PALLD: variants seen among roughly 807,000 people sequenced by gnomAD.
PALLD encodes palladin.
PALLD carries 61 observed loss-of-function variants against 123.5 expected under a neutral mutation model. The observed-to-expected ratio is 0.49, with a 90% confidence interval of 0.40 to 0.61. The LOEUF (loss-of-function observed/expected upper bound fraction) is 0.61. Ranked by LOEUF, PALLD falls within the 20% of genes least tolerant of loss-of-function variation. PALLD has a pLI of 0.00. For missense variants in PALLD, 1,273 were observed against 1,377.0 expected, an observed-to-expected ratio of 0.92 and a Z score of 1.20; for synonymous variants, 465 against 496.4, an observed-to-expected ratio of 0.94 and a Z score of 0.84.
intron 11 of PALLD, among the ~76,000 whole-genome samples, chr4:168,891,669 A>G (rs936220099): frequency 7.2e-6 from 1 of 139,066 alleles, no homozygotes; most frequent in African/African-American, 2.6e-5. Context: ...CAAATGAGCA[A>G]TGCCAATGGT....
chr4:168,718,473 A>C (rs1238403099), intron 10 of PALLD, among the ~76,000 whole-genome samples: 1 of 152,176 alleles, frequency 6.6e-6, no homozygotes, highest in Non-Finnish European at 1.5e-5. Context: ...CAACCTGTAG[A>C]CTTAAATCAT....
chr4:168,860,472 T>C (rs1338319409), intron 10 of PALLD, among the ~76,000 whole-genome samples: 2 of 152,220 alleles, frequency 1.3e-5, no homozygotes, highest in Non-Finnish European at 2.9e-5. Flanking sequence ...CTCACTCCAA[T>C]AGTTGAGTGA....
chr4:168,576,491 G>GT (rs953336365), intron 2 of PALLD, among the ~76,000 whole-genome samples: 2 of 151,958 alleles, frequency 1.3e-5, no homozygotes, highest in Non-Finnish European at 2.9e-5. Context: ...CGGTGTTGTG[G>GT]TTTTTTGTCC....
intron 10 of PALLD, among the ~76,000 whole-genome samples, chr4:168,834,161 A>G (rs1005634349): frequency 2.0e-5 from 3 of 151,922 alleles, no homozygotes; most frequent in Non-Finnish European, 2.9e-5. Flanking sequence ...GCTATGTGAA[A>G]ACTTGGTGCC....
At chr4:168,703,050 C>T (rs1327509720) in intron 8 of PALLD, among the ~76,000 whole-genome samples, 1 of 107,550 alleles carries the variant, frequency 9.3e-6, no homozygotes, top group Non-Finnish European at 1.8e-5. Context: ...CAATGCTATC[C>T]CTCCCCCCTC....
chr4:168,661,953 TTC>T lies in PALLD; in HGVS notation c.909-6233_909-6232del, dbSNP rs1268799747. Among the ~76,000 whole-genome samples, 3 of 152,162 alleles carry T rather than the reference TTC, an allele frequency of 2.0e-5. No individual in the cohort carries two copies. The East Asian group carries it at 5.8e-4, about 29-fold the overall frequency. ...GCATATAATATGCATTCAATAAATA[TTC>T]TCTTTCCCTTAATTTGAATTTTTAT... On this transcript the variant is annotated intron_variant, in intron 2 of 21. Coordinates refer to ENST00000505667, the MANE Select transcript of PALLD (RefSeq NM_001166108.2).
intron 2 of PALLD, chr4:168,530,685 A>G (rs1270698065): frequency 6.6e-6 from 1 of 152,026 alleles, no homozygotes; most frequent in African/African-American, 2.4e-5. Flanking sequence ...GAGCTGAATA[A>G]ACTTCACAGA....
intron 10 of PALLD, among the ~76,000 whole-genome samples, chr4:168,719,252 CTTTTTTTTTTTTTT>C (rs869040811): frequency 1.2e-5 from 1 of 85,698 alleles, no homozygotes; most frequent in Non-Finnish European, 2.1e-5. Context: ...AAGTAATCTT[CTTTTTTTTTTTTTT>C]TTTTTTTTTG....
rs369220566 is a variant in PALLD at position 168,652,944 on chromosome 4, G to C, written c.909-15246G>C. ...CATTCTTTAGTGTTCAGCACACCAG[G>C]CATTAGATGATTTGTCCCACTTTCA... On this transcript the variant is annotated intron_variant, in intron 2 of 21. Coordinates refer to ENST00000505667, the MANE Select transcript of PALLD (RefSeq NM_001166108.2). 6.6e-5 allele frequency among the ~76,000 whole-genome samples: 10 copies of C among 152,254 alleles called. No individual in the cohort carries two copies. The East Asian group carries it at 1.9e-3, about 29-fold the overall frequency.
chr4:168,793,692 T>A (rs948303210), intron 10 of PALLD, among the ~76,000 whole-genome samples: 1 of 152,118 alleles, frequency 6.6e-6, no homozygotes, highest in Admixed American at 6.6e-5. Flanking sequence ...ACATTGGACA[T>A]GTCGAACATC....
At chr4:168,782,932 A>C (rs1479447518) in intron 10 of PALLD, among the ~76,000 whole-genome samples, 1 of 152,064 alleles carries the variant, frequency 6.6e-6, no homozygotes, top group South Asian at 2.1e-4. Flanking sequence ...AAAACAACAA[A>C]AAAAAACTTT....
intron 10 of PALLD, among the ~76,000 whole-genome samples, chr4:168,805,721 C>T (rs1156514222): frequency 6.6e-6 from 1 of 152,118 alleles, no homozygotes; most frequent in East Asian, 1.9e-4. Flanking sequence ...TTTGGCCTTA[C>T]CTGTTTTACC....
intron 2 of PALLD, among the ~76,000 whole-genome samples, chr4:168,554,237 T>C (rs563507230): frequency 4.7e-4 from 71 of 152,344 alleles, no homozygotes; most frequent in African/African-American, 1.6e-3. Context: ...TGTTCCTTGC[T>C]TTATTTTTCT....
At chr4:168,677,811 C>G (rs1781015908) in intron 3 of PALLD, 1 of 152,302 alleles carries the variant, frequency 6.6e-6, no homozygotes, top group African/African-American at 2.4e-5. Flanking sequence ...CCGTTTGTGT[C>G]CCTACTCCGC....
chr4:168,589,786 G>A (rs1771215678), intron 2 of PALLD, among the ~76,000 whole-genome samples: 1 of 152,200 alleles, frequency 6.6e-6, no homozygotes, highest in Non-Finnish European at 1.5e-5. Context: ...TCTGCCCAGT[G>A]CCAGACTGGA....
At chr4:168,633,778 G>A (rs1053291406) in intron 2 of PALLD, among the ~76,000 whole-genome samples, 2 of 152,100 alleles carry the variant, frequency 1.3e-5, no homozygotes, top group South Asian at 2.1e-4. Flanking sequence ...GTAAGATGAT[G>A]TTTACTCTGT....
intron 3 of PALLD, among the ~76,000 whole-genome samples, chr4:168,671,486 A>C (rs1252069457): frequency 6.6e-6 from 1 of 152,202 alleles, no homozygotes; most frequent in Non-Finnish European, 1.5e-5. Flanking sequence ...CTATAGATAG[A>C]TCGTATGTGA....
chr4:168,608,793 A>G (rs1773441421), intron 2 of PALLD, among the ~76,000 whole-genome samples: 1 of 146,082 alleles, frequency 6.8e-6, no homozygotes, highest in Non-Finnish European at 1.5e-5. Context: ...ACTACCACTC[A>G]GATCAGTGAA....
In PALLD at chr4:168,916,143, T is replaced by TCATTATA; in HGVS notation, c.2850+116_2850+117insCATTATA. 4 of 1,017,824 alleles carry TCATTATA rather than the reference T, an allele frequency of 3.9e-6. No homozygotes were observed. The Admixed American group carries it at 6.8e-5, about 17-fold the overall frequency. The allele number at this position is 1,017,824 out of a possible 1,614,324, so 63.0% of individuals were successfully genotyped here. ...AGTATAAAATGAGAGCTGGGCACAG[T>TCATTATA]GGCTCACACCTATAATCCCAGCACT... On this transcript the variant is annotated intron_variant, in intron 17 of 21. Transcript: ENST00000505667.
Sources: gnomAD v4.1 joint callset for allele counts (sites outside exome capture counted in the v4.1 genomes callset) on GRCh38, gnomAD v4.1.1 for gene constraint, MANE v1.5 for transcripts, NCBI Gene and HGNC (gene_info 2026-07-23, HGNC 2026-07-21) for gene names.